Variants in HINT1 observed in about 807,000 individuals in gnomAD.
HINT1 encodes the protein adenosine 5'-monophosphoramidase HINT1.
Under a neutral mutation model 11.2 loss-of-function variants are expected in HINT1, and 12 were observed. The observed-to-expected ratio is 1.07, with a 90% CI of 0.69 to 1.74. HINT1 has a LOEUF of 1.74. Ranked by LOEUF, HINT1 falls within the 40% of genes most tolerant of loss-of-function variation. HINT1 has a pLI of 0.00. For synonymous variants in HINT1, 42 were observed against 52.6 expected, an observed-to-expected ratio of 0.80 and a Z score of 0.87; for missense variants, 150 against 161.8, an observed-to-expected ratio of 0.93 and a Z score of 0.40.
At chr5:131,164,221 G>A (rs896949931) in intron 1 of HINT1, among the ~76,000 whole-genome samples, 16 of 152,086 alleles carry the variant, frequency 1.1e-4, no homozygotes, top group African/African-American at 3.9e-4. Context: ...AGCTTTATCT[G>A]AGATCCAATC....
chr5:131,161,136 T>A (rs1006645220), intron 2 of HINT1, among the ~76,000 whole-genome samples: 1 of 152,190 alleles, frequency 6.6e-6, no homozygotes, highest in Non-Finnish European at 1.5e-5. Flanking sequence ...TCAGTAAACG[T>A]TTCCTGGCCA....
chr5:131,160,417 C>A (rs985705843), intron 2 of HINT1, among the ~76,000 whole-genome samples: 2 of 152,066 alleles, frequency 1.3e-5, no homozygotes, highest in African/African-American at 2.4e-5. Flanking sequence ...AGCTTTCTTC[C>A]CTAATAAAAG....
At chr5:131,162,447 ATGGTTTTTC>A (rs778439838) in intron 2 of HINT1, 116 bp downstream of exon 2, 38 of 1,542,508 alleles carry the variant, frequency 2.5e-5, no homozygotes, top group Admixed American at 1.2e-4. Flanking sequence ...TGAAGTCCTA[ATGGTTTTTC>A]TGGTTTTTCC....
chr5:131,162,209 A>G (rs3864285), intron 2 of HINT1: 33,288 of 533,294 alleles, frequency 0.062, 3,565 homozygotes, highest in African/African-American at 0.34. Flanking sequence ...CTGTTGTCCC[A>G]CTACTCGGGA....
intron 1 of HINT1, among the ~76,000 whole-genome samples, chr5:131,163,673 C>A (rs1450658980): frequency 2.0e-5 from 3 of 151,860 alleles, no homozygotes; most frequent in African/African-American, 7.3e-5. Context: ...CTTTACTCAA[C>A]TATTTAAGAA....
At chr5:131,165,043 C>G (rs768380188) in intron 1 of HINT1, 52 bp downstream of exon 1, 2 of 1,610,602 alleles carry the variant, frequency 1.2e-6, no homozygotes, top group South Asian at 1.1e-5. Flanking sequence ...ACCCGAGGAT[C>G]CGCGGACGAT....
At chr5:131,162,376 G>T (rs1027021966) in intron 2 of HINT1, 196 bp downstream of exon 2, 9 of 1,011,080 alleles carry the variant, frequency 8.9e-6, no homozygotes, top group South Asian at 8.2e-5. Context: ...AAGCTGGAAC[G>T]CTCATTCATT....
Position 131,165,209 on chromosome 5 carries a change from G to A in HINT1, c.-4C>T. On this transcript the variant is annotated 5_prime_UTR_variant, in exon 1 of 3. Coordinates refer to ENST00000304043, the MANE Select transcript of HINT1 (RefSeq NM_005340.7). ...CCTTGGCAATCTCATCTGCCATCTCGGCCTCTCTCCCGCGCGGCGGCCAGA... is the reference window on the plus strand; with the variant it reads ...CCTTGGCAATCTCATCTGCCATCTCAGCCTCTCTCCCGCGCGGCGGCCAGA... 5.6e-6 allele frequency: 9 copies of A among 1,604,866 alleles called. No homozygotes were observed. Among genetic ancestry groups the A allele is most frequent in the Non-Finnish European group, 7.6e-6 (9 of 1,179,722 alleles).
At chr5:131,160,446 C>G (rs2551038) in intron 2 of HINT1, among the ~76,000 whole-genome samples, 137,593 of 152,218 alleles carry the variant, frequency 0.9, 62,480 homozygotes, top group African/African-American at 0.98. Context: ...GAGAAGGTTG[C>G]CAAGAGAAAA....
At chr5:131,162,152 G>A (rs772145555) in intron 2 of HINT1, 10 of 466,852 alleles carry the variant, frequency 2.1e-5, no homozygotes, top group Non-Finnish European at 3.0e-5. Flanking sequence ...GGTGAAAGCC[G>A]TCTCTACTAA....
In HINT1 at chr5:131,162,735, C is replaced by T. The variant is rs1755291035; in HGVS notation, c.112-59G>A. ...CTTTTAGTATATTGGTAGGATAAAACTTATTTCAACAAGTATTTACTGAGC... is the reference window on the plus strand; with the variant it reads ...CTTTTAGTATATTGGTAGGATAAAATTTATTTCAACAAGTATTTACTGAGC... On this transcript the variant is annotated intron_variant, in intron 1 of 2. Transcript: ENST00000304043. The T allele has an allele frequency of 2.3e-5, 26 of 1,120,764 alleles. No individual in the cohort carries two copies. In the South Asian group the frequency reaches 3.5e-4, roughly 15 times the overall value. The allele number at this position is 1,120,764 out of a possible 1,614,324, so 69.4% of individuals were successfully genotyped here.
intron 1 of HINT1, 181 bp downstream of exon 1, chr5:131,164,914 G>A: frequency 1.3e-5 from 10 of 765,692 alleles, no homozygotes; most frequent in Non-Finnish European, 1.9e-5. Flanking sequence ...GGCACGCGCC[G>A]GCAGGCCGCC....
At chr5:131,162,246 C>T in intron 2 of HINT1, 1 of 594,850 alleles carries the variant, frequency 1.7e-6, no homozygotes, top group Non-Finnish European at 3.0e-6. Context: ...TGGTGTGAAC[C>T]AGGGAGGTGG....
chr5:131,159,626 A>G lies in HINT1; in HGVS notation c.217-15T>C, dbSNP rs1339188305. 6.2e-7 allele frequency: 1 copy of G among 1,603,218 alleles called. No homozygotes were observed. The highest frequency in any genetic ancestry group is 1.3e-5 in the African/African-American group (1 of 74,422). On this transcript the variant is annotated splice_polypyrimidine_tract_variant and intron_variant, in intron 2 of 2. Coordinates refer to ENST00000304043, the MANE Select transcript of HINT1 (RefSeq NM_005340.7). ...TGTCCAAGAAGCTGGAAAAGGAAAAAAAGTTTCTTAGGCACAGGCAATTTA... is the reference window on the plus strand; with the variant it reads ...TGTCCAAGAAGCTGGAAAAGGAAAAGAAGTTTCTTAGGCACAGGCAATTTA...
rs397514489 is a variant in HINT1 at position 131,159,578 on chromosome 5, A to G, written c.250T>C (p.Cys84Arg). ...LGHLMIVGKK[C>R]AADLGLNKGY... ...TTATTCAGGCCCAGATCAGCAGCAC[A>G]TTTCTTGCCAACAATCATTAAGTGT... The change falls in exon 3 of 3, where the codon TGT becomes CGT. Residue 84 changes from cysteine (C) to arginine (R), a missense_variant. Cys to Arg is a radical substitution (Grantham distance 180). Transcript: ENST00000304043. 6 of 1,613,512 alleles carry G rather than the reference A, an allele frequency of 3.7e-6. No individual in the cohort carries two copies. The highest frequency in any genetic ancestry group is 5.1e-6 in the Non-Finnish European group (6 of 1,179,720).
chr5:131,162,074 CCAGCACTTTGG>C (rs1179761297), intron 2 of HINT1: 8 of 277,214 alleles, frequency 2.9e-5, no homozygotes, highest in Middle Eastern at 1.1e-3. Context: ...GCGTGTAATC[CCAGCACTTTGG>C]GAGGCCGAGG....
Position 131,162,585 on chromosome 5 carries a change from T to A in HINT1, c.203A>T (p.Asp68Val), listed in dbSNP as rs371048016. The A allele has an allele frequency of 4.5e-5, 73 of 1,611,356 alleles. No homozygotes were observed. The highest frequency in any genetic ancestry group is 5.9e-5 in the Non-Finnish European group (69 of 1,177,604). The change falls in exon 2 of 3, where the codon GAT becomes GTT. Residue 68 changes from aspartate (D) to valine (V), a missense_variant. Coordinates refer to ENST00000304043, the MANE Select transcript of HINT1 (RefSeq NM_005340.7). ...KHISQISVAE[D>V]DDESLLGHLM... ...AAATGTACTTACACTTTCATCATCA[T>A]CTTCTGCCACAGAAATCTGGGATAT... is the stretch of plus-strand genomic sequence containing the variant.
At chr5:131,162,206 C>A (rs934785816) in intron 2 of HINT1, 1 of 531,228 alleles carries the variant, frequency 1.9e-6, no homozygotes, top group African/African-American at 1.9e-5. Flanking sequence ...CGCCTGTTGT[C>A]CCACTACTCG....
At chr5:131,164,763 C>G (rs1755349482) in intron 1 of HINT1, among the ~76,000 whole-genome samples, 1 of 152,140 alleles carries the variant, frequency 6.6e-6, no homozygotes, top group East Asian at 1.9e-4. Flanking sequence ...CAGGCAAGGT[C>G]CGAGGCAGCC....
Sources: gnomAD v4.1 joint callset for allele counts (sites outside exome capture counted in the v4.1 genomes callset) on GRCh38, gnomAD v4.1.1 for gene constraint, MANE v1.5 for transcripts, NCBI Gene and HGNC (gene_info 2026-07-23, HGNC 2026-07-21) for gene names.